ASTN2: variants seen among roughly 807,000 people sequenced by gnomAD.
ASTN2 encodes astrotactin 2, also known as astrotactin-2.
ASTN2 carries 54 observed loss-of-function variants against 139.8 expected under a neutral mutation model. The observed-to-expected ratio is 0.39, with a 90% CI of 0.31 to 0.48. ASTN2 has a LOEUF of 0.48. Ranked by LOEUF, ASTN2 falls within the 20% of genes least tolerant of loss-of-function variation. The probability of loss-of-function intolerance (pLI) is 0.95; values close to 1 mark genes in which losing one functional copy is unlikely to be tolerated. For missense variants in ASTN2, 1,565 were observed against 1,725.1 expected (o/e 0.91, Z 1.64); for synonymous variants, 756 against 719.5 (o/e 1.05, Z -0.81).
At chr9:116,894,966 T>C (rs1368745486) in intron 10 of ASTN2, among the ~76,000 whole-genome samples, 1 of 152,182 alleles carries the variant, frequency 6.6e-6, no homozygotes, top group Non-Finnish European at 1.5e-5. Flanking sequence ...CAAAGGCATT[T>C]TACCTCCCTG....
At chr9:117,280,683 T>C (rs1834303774) in intron 2 of ASTN2, among the ~76,000 whole-genome samples, 1 of 152,180 alleles carries the variant, frequency 6.6e-6, no homozygotes, top group Non-Finnish European at 1.5e-5. Context: ...TCCAAAACTG[T>C]GACAGAATAA....
chr9:116,705,772 A>C (rs1405292902), intron 16 of ASTN2, among the ~76,000 whole-genome samples: 1 of 152,178 alleles, frequency 6.6e-6, no homozygotes, highest in Non-Finnish European at 1.5e-5. Context: ...TGGTAACAGG[A>C]TAGAAATGGA....
intron 16 of ASTN2, chr9:116,687,027 T>G: frequency 2.2e-6 from 3 of 1,375,644 alleles, no homozygotes; most frequent in East Asian, 2.9e-5. Context: ...ACATTGAGAC[T>G]GGAGTCAGAT....
intron 4 of ASTN2, among the ~76,000 whole-genome samples, chr9:117,114,418 T>C (rs1379985592): frequency 6.6e-6 from 1 of 152,222 alleles, no homozygotes; most frequent in Non-Finnish European, 1.5e-5. Context: ...ATTGTGTTTT[T>C]AGCATAACAA....
chr9:117,259,063 T>G (rs530198119), intron 2 of ASTN2, among the ~76,000 whole-genome samples: 1 of 152,292 alleles, frequency 6.6e-6, no homozygotes, highest in South Asian at 2.1e-4. Context: ...TTGTGGCCAG[T>G]GACGGAAGGC....
chr9:117,248,897 C>T (rs1460905024), intron 2 of ASTN2, among the ~76,000 whole-genome samples: 1 of 152,202 alleles, frequency 6.6e-6, no homozygotes, highest in African/African-American at 2.4e-5. Flanking sequence ...GATGGACTAT[C>T]GGGCTGCCTC....
At chr9:117,279,762 G>A (rs571062502) in intron 2 of ASTN2, among the ~76,000 whole-genome samples, 1 of 152,262 alleles carries the variant, frequency 6.6e-6, no homozygotes, top group South Asian at 2.1e-4. Flanking sequence ...CATTAACCAT[G>A]ATTCAACACT....
chr9:116,958,221 C>G (rs1005934264), intron 10 of ASTN2, among the ~76,000 whole-genome samples: 2 of 152,188 alleles, frequency 1.3e-5, no homozygotes, highest in African/African-American at 2.4e-5. Context: ...TAGAATTGAG[C>G]ATGCCTCTGT....
At chr9:117,027,729 T>C (rs893621741) in intron 6 of ASTN2, among the ~76,000 whole-genome samples, 19 of 152,204 alleles carry the variant, frequency 1.2e-4, no homozygotes, top group Admixed American at 1.2e-3. Context: ...TGTCTATATG[T>C]CCTGATGGTT....
chr9:116,851,651 T>C (rs1832611401), intron 11 of ASTN2, among the ~76,000 whole-genome samples: 1 of 152,100 alleles, frequency 6.6e-6, no homozygotes, highest in South Asian at 2.1e-4. Flanking sequence ...TTCTTGTATG[T>C]GCATATAATA....
At chr9:117,245,340 C>A (rs1833347908) in intron 2 of ASTN2, among the ~76,000 whole-genome samples, 1 of 152,188 alleles carries the variant, frequency 6.6e-6, no homozygotes, top group Non-Finnish European at 1.5e-5. Context: ...TGCTGCCACA[C>A]GTCTTTTTTG....
At chr9:116,537,448 C>T (rs1851689160) in intron 19 of ASTN2, among the ~76,000 whole-genome samples, 1 of 152,172 alleles carries the variant, frequency 6.6e-6, no homozygotes, top group Admixed American at 6.5e-5. Flanking sequence ...GATTTTACCT[C>T]CTTCTTGAAC....
At chr9:117,252,400 C>A (rs2133093029) in intron 2 of ASTN2, among the ~76,000 whole-genome samples, 1 of 152,300 alleles carries the variant, frequency 6.6e-6, no homozygotes, top group South Asian at 2.1e-4. Context: ...TTCCCTCGTT[C>A]ATTCATTTAA....
intron 17 of ASTN2, among the ~76,000 whole-genome samples, chr9:116,632,183 AGGGAG>A (rs1856798354): frequency 2.2e-4 from 5 of 22,960 alleles, no homozygotes; most frequent in African/African-American, 8.0e-4. Context: ...AGAGAGAGAG[AGGGAG>A]AGAGAGAGAA....
chr9:116,799,048 G>A (rs1268009807), intron 13 of ASTN2, among the ~76,000 whole-genome samples: 1 of 129,418 alleles, frequency 7.7e-6, no homozygotes, highest in Non-Finnish European at 1.6e-5. Flanking sequence ...CATAGGTCCA[G>A]ACACATAAAA....
At chr9:117,358,158 A>G (rs1169597605) in intron 1 of ASTN2, among the ~76,000 whole-genome samples, 4 of 152,114 alleles carry the variant, frequency 2.6e-5, no homozygotes, top group Non-Finnish European at 5.9e-5. Flanking sequence ...AATCCAGGAT[A>G]TGCCTATTAG....
intron 10 of ASTN2, among the ~76,000 whole-genome samples, chr9:116,912,755 C>T (rs909872078): frequency 6.6e-6 from 1 of 152,030 alleles, no homozygotes; most frequent in African/African-American, 2.4e-5. Flanking sequence ...GCAGGGATGT[C>T]AATTCATCTG....
intron 13 of ASTN2, among the ~76,000 whole-genome samples, chr9:116,781,567 A>G (rs112455050): frequency 2.6e-5 from 4 of 152,210 alleles, no homozygotes; most frequent in African/African-American, 9.6e-5. Context: ...GTGTGGAGAA[A>G]ATGAAGGTTT....
At chr9:117,182,729 T>C (rs1386242628) in intron 3 of ASTN2, among the ~76,000 whole-genome samples, 1 of 151,970 alleles carries the variant, frequency 6.6e-6, no homozygotes, top group Non-Finnish European at 1.5e-5. Context: ...GTCCTTCTGT[T>C]CCAGTTACAG....
Sources: allele counts gnomAD v4.1 joint callset (sites outside exome capture counted in the v4.1 genomes callset), GRCh38; gene constraint gnomAD v4.1.1; transcripts MANE v1.5; gene names NCBI Gene and HGNC (gene_info 2026-07-23, HGNC 2026-07-21).